Variants in CENPE observed in about 807,000 individuals in gnomAD.
CENPE encodes centromere protein E.
In CENPE, 145 loss-of-function variants were observed where a neutral mutation model predicts 336.1. The observed-to-expected ratio is 0.43, with a 90% CI of 0.38 to 0.50. The LOEUF is 0.50. CENPE is among the 20% of genes least tolerant of loss of function. CENPE has a pLI of 0.00. For missense variants in CENPE, 2,719 were observed against 3,023.3 expected (o/e 0.90, Z 2.36); for synonymous variants, 1,013 against 984.8 (o/e 1.03, Z -0.54).
At chr4:103,145,436 A>G in intron 31 of CENPE, 87 bp downstream of exon 31, 1 of 1,398,092 alleles carries the variant, frequency 7.2e-7, no homozygotes, top group South Asian at 1.4e-5. Flanking sequence ...CAAAACAATT[A>G]AGCATGCCAA....
intron 1 of CENPE, among the ~76,000 whole-genome samples, chr4:103,197,661 C>T (rs974161892): frequency 6.6e-6 from 1 of 152,202 alleles, no homozygotes; most frequent in Admixed American, 6.5e-5. Flanking sequence ...ATTCCTCTTC[C>T]TGCTTTTTCT....
At chr4:103,185,945 A>G in intron 8 of CENPE, 84 bp from the exon 9 acceptor site, 1 of 864,466 alleles carries the variant, frequency 1.2e-6, no homozygotes, top group Non-Finnish European at 1.9e-6. Context: ...TTTTTAATAC[A>G]TGGTATATCT....
intron 25 of CENPE, among the ~76,000 whole-genome samples, chr4:103,152,679 C>T (rs1009751353): frequency 6.6e-6 from 1 of 152,052 alleles, no homozygotes; most frequent in Non-Finnish European, 1.5e-5. Flanking sequence ...TGAACTATTC[C>T]TTGGCAGTAA....
chr4:103,165,879 TAAA>T (rs201641959), intron 16 of CENPE, among the ~76,000 whole-genome samples: 119 of 139,852 alleles, frequency 8.5e-4, no homozygotes, highest in Middle Eastern at 3.7e-3. Flanking sequence ...CTTTGTGTTT[TAAA>T]AAAAAAAAAA....
intron 25 of CENPE, among the ~76,000 whole-genome samples, chr4:103,152,787 A>G (rs1753667574): frequency 6.6e-6 from 1 of 152,200 alleles, no homozygotes; most frequent in Admixed American, 6.5e-5. Flanking sequence ...TGAACATATC[A>G]GGACTGATAA....
At chr4:103,150,512 G>C (rs900682810) in intron 26 of CENPE, among the ~76,000 whole-genome samples, 2 of 152,072 alleles carry the variant, frequency 1.3e-5, no homozygotes, top group African/African-American at 2.4e-5. Context: ...GAACCCAGGG[G>C]GGGTTGAGGC....
chr4:103,120,474 A>G (rs1750526760), intron 43 of CENPE, 141 bp from the exon 44 acceptor site: 2 of 631,964 alleles, frequency 3.2e-6, no homozygotes, highest in Non-Finnish European at 2.6e-6. Context: ...GAGGCCAAAC[A>G]TCATTCAATC....
rs1455447109 is a variant in CENPE, at chr4:103,151,380, A to G, written c.3238-3T>C. ...AATTCTTCCTGGTTTTCAATGGTCTAGAAAGAAAAAAAAAGTTGAGATTAA... is the reference window on the plus strand; with the variant it reads ...AATTCTTCCTGGTTTTCAATGGTCTGGAAAGAAAAAAAAAGTTGAGATTAA... On this transcript the variant is annotated splice_polypyrimidine_tract_variant and splice_region_variant and intron_variant, in intron 25 of 48. Coordinates refer to ENST00000265148, the MANE Select transcript of CENPE (RefSeq NM_001813.3). 6.4e-7 allele frequency: 1 copy of G among 1,554,704 alleles called. No homozygotes were observed. The highest frequency in any genetic ancestry group is 8.6e-7 in the Non-Finnish European group (1 of 1,160,852).
At chr4:103,189,169 A>C (rs1757070583) in intron 8 of CENPE, among the ~76,000 whole-genome samples, 1 of 152,204 alleles carries the variant, frequency 6.6e-6, no homozygotes, top group African/African-American at 2.4e-5. Flanking sequence ...AACCAAAAGA[A>C]GCCCAGGACC....
chr4:103,112,466 CATATATACTT>C (rs1262505724), intron 46 of CENPE, among the ~76,000 whole-genome samples: 1 of 143,478 alleles, frequency 7.0e-6, no homozygotes, highest in African/African-American at 2.6e-5. Context: ...CATATCTATA[CATATATACTT>C]ATATATACTA....
intron 24 of CENPE, among the ~76,000 whole-genome samples, chr4:103,157,566 C>T (rs924667398): frequency 6.6e-6 from 1 of 151,812 alleles, no homozygotes; most frequent in Non-Finnish European, 1.5e-5. Context: ...ATGGTGGTAG[C>T]CAGGGTCTGT....
intron 29 of CENPE, among the ~76,000 whole-genome samples, chr4:103,146,540 G>A (rs1753070657): frequency 6.6e-6 from 1 of 152,184 alleles, no homozygotes; most frequent in Non-Finnish European, 1.5e-5. Context: ...GCAAAAAGGA[G>A]TATGGAGGTA....
chr4:103,188,319 C>T (rs1343018499), intron 8 of CENPE, among the ~76,000 whole-genome samples: 1 of 152,172 alleles, frequency 6.6e-6, no homozygotes, highest in Non-Finnish European at 1.5e-5. Context: ...TAGAACTCTC[C>T]ACCCCAAATC....
chr4:103,138,586 T>C, intron 38 of CENPE, 137 bp from the exon 39 acceptor site: 1 of 643,870 alleles, frequency 1.6e-6, no homozygotes. Context: ...AAAGCAATGT[T>C]AAAATGATCA....
intron 13 of CENPE, among the ~76,000 whole-genome samples, chr4:103,178,800 C>T (rs571229976): frequency 2.6e-5 from 4 of 152,296 alleles, no homozygotes; most frequent in South Asian, 4.1e-4. Context: ...ACCTGGGCTG[C>T]TTTATGGATT....
chr4:103,191,660 A>T (rs570904554), intron 8 of CENPE, among the ~76,000 whole-genome samples: 795 of 72,528 alleles, frequency 0.011, 11 homozygotes, highest in African/African-American at 0.04. Flanking sequence ...GGGTGGGGGG[A>T]GGGGGGGATA....
intron 48 of CENPE, among the ~76,000 whole-genome samples, chr4:103,108,420 T>C (rs182681974): frequency 3.3e-4 from 50 of 152,294 alleles, no homozygotes; most frequent in African/African-American, 1.2e-3. Context: ...AAGTAAATGA[T>C]TCATCTATTA....
At position 103,159,034 on chromosome 4, in the gene CENPE, C is replaced by G. The variant is rs373941578; in HGVS notation, c.2577G>C (p.Ser859=). Residue 859 remains serine, a synonymous_variant, in exon 22 of 49, where the codon TCG becomes TCC. Transcript: ENST00000265148. Reference sequence around the variant, plus strand: ...CCTCGGTCTTCAAAGCACCCAAACTCGAATCAAATTTTTGGGCTTCTTTAG... The same window carrying G: ...CCTCGGTCTTCAAAGCACCCAAACTGGAATCAAATTTTTGGGCTTCTTTAG... The part of the protein sequence containing the change: ...NLSKEAQKFD[S]SLGALKTELS... The G allele has an allele frequency of 6.5e-7, 1 of 1,534,028 alleles. No individual in the cohort carries two copies. Among genetic ancestry groups the G allele is most frequent in the Non-Finnish European group, 8.7e-7 (1 of 1,147,670 alleles).
chr4:103,119,443 A>G (rs892872558), intron 44 of CENPE, among the ~76,000 whole-genome samples: 4 of 152,244 alleles, frequency 2.6e-5, no homozygotes, highest in Admixed American at 2.6e-4. Context: ...ATTGTTGAAA[A>G]AACAAATTTA....
Sources: allele counts gnomAD v4.1 joint callset (sites outside exome capture counted in the v4.1 genomes callset), GRCh38; gene constraint gnomAD v4.1.1; transcripts MANE v1.5; gene names NCBI Gene and HGNC (gene_info 2026-07-23, HGNC 2026-07-21).